KIF26B: variants seen among roughly 807,000 people sequenced by gnomAD.
KIF26B encodes kinesin family member 26B.
In KIF26B, 63 loss-of-function variants were observed where a neutral mutation model predicts 151.2. That is an observed-to-expected ratio of 0.42 (90% confidence interval 0.34 to 0.51). The LOEUF is 0.51. Ranked by LOEUF, KIF26B falls within the 20% of genes least tolerant of loss-of-function variation. KIF26B has a pLI of 0.07. For missense variants in KIF26B, 2,813 were observed against 2,913.6 expected (o/e 0.97, Z 0.79); for synonymous variants, 1,357 against 1,262.1 (o/e 1.08, Z -1.59).
At chr1:245,541,757 C>T (rs965275981) in intron 5 of KIF26B, among the ~76,000 whole-genome samples, 1 of 151,884 alleles carries the variant, frequency 6.6e-6, no homozygotes, top group Non-Finnish European at 1.5e-5. Flanking sequence ...ATTTGGCCGC[C>T]GTTGCTAGTC....
chr1:245,659,529 C>T (rs2044110826), intron 10 of KIF26B, among the ~76,000 whole-genome samples: 1 of 152,128 alleles, frequency 6.6e-6, no homozygotes, highest in South Asian at 2.1e-4. Flanking sequence ...TTTTCTGAGC[C>T]AGATAAAATA....
rs34346823 is a variant in KIF26B at position 245,180,292 on chromosome 1, C to CAGAGAG, written c.465+23628_465+23633dup. On this transcript the variant is annotated intron_variant, in intron 2 of 14. Transcript: ENST00000407071. ...ATTCAGCTTCAGATCCTGCAGGTAG[C>CAGAGAG]AGAGAGAGAGAGAGAGAGAGAGAGG... Among the ~76,000 whole-genome samples the CAGAGAG allele has an allele frequency of 3.5e-3, 520 of 148,616 alleles. 2 individuals are homozygous for CAGAGAG. Among genetic ancestry groups the CAGAGAG allele is most frequent in the African/African-American group, 7.3e-3 (295 of 40,584 alleles).
rs1443991816 is a variant in KIF26B at position 245,564,083 on chromosome 1, A to C, written c.1350+23133A>C. Among the ~76,000 whole-genome samples the C allele has an allele frequency of 6.6e-6, 1 of 151,890 alleles. No homozygotes were observed. Among genetic ancestry groups the C allele is most frequent in the Non-Finnish European group, 1.5e-5 (1 of 67,968 alleles). ...CTGAGCTCGACACAGTCCAATCCCA[A>C]GTACCAGTCAGGCTCCCACCGTCCC... On this transcript the variant is annotated intron_variant, in intron 5 of 14. Transcript: ENST00000407071. The surrounding 1 kb of genome is among the most constrained non-coding windows in gnomAD (Gnocchi z 4.6).
At chr1:245,576,484 G>A (rs2043119885) in intron 5 of KIF26B, among the ~76,000 whole-genome samples, 1 of 152,174 alleles carries the variant, frequency 6.6e-6, no homozygotes, top group African/African-American at 2.4e-5. Flanking sequence ...CTCTGTCAGC[G>A]TGACAGCCCA....
intron 10 of KIF26B, among the ~76,000 whole-genome samples, chr1:245,648,854 T>TA (rs2043981834): frequency 6.6e-6 from 1 of 152,180 alleles, no homozygotes; most frequent in East Asian, 1.9e-4. Flanking sequence ...GTGTCTCAAG[T>TA]AAGCAGACTA....
At chr1:245,390,943 A>AAACAAAAAAAAAC (rs1553270128) in intron 3 of KIF26B, among the ~76,000 whole-genome samples, 1 of 118,412 alleles carries the variant, frequency 8.4e-6, no homozygotes, top group African/African-American at 4.1e-5. Flanking sequence ...AAAAAAAAAA[A>AAACAAAAAAAAAC]AAAAAAAAAC....
Position 245,687,689 on chromosome 1 carries a change from G to A in KIF26B, c.4706G>A (p.Gly1569Asp). The change falls in exon 12 of 15, where the codon GGC (glycine) becomes GAC (aspartate). Residue 1569 changes from glycine to aspartate, a missense_variant. Around this residue, in one of 3 missense-constraint regions of KIF26B, gnomAD observed 2,060 missense variants for 2,088.6 expected, o/e 0.99. Transcript: ENST00000407071. The surrounding 1 kb of genome is among the most constrained non-coding windows in gnomAD (Gnocchi z 4.9). ...ACCAACGGGGTGGGTGCAGCCTCGG[G>A]CACCCCGCCCTCCAAGGCTACCCTG... Reference protein sequence around the residue: ...AETNGVGAASGTPPSKATLEG... With the variant: ...AETNGVGAASDTPPSKATLEG... The A allele has an allele frequency of 1.9e-6, 3 of 1,581,264 alleles. No homozygotes were observed. Among genetic ancestry groups the A allele is most frequent in the Non-Finnish European group, 2.6e-6 (3 of 1,163,988 alleles).
At chr1:245,472,832 A>G (rs990273787) in intron 4 of KIF26B, among the ~76,000 whole-genome samples, 7 of 152,166 alleles carry the variant, frequency 4.6e-5, no homozygotes, top group South Asian at 2.1e-4. Flanking sequence ...TGGACCTACA[A>G]TGTGCTACTG....
In KIF26B at chr1:245,602,805, G is replaced by C; in HGVS notation, c.1557+22G>C. ...TCAGGTGGGTATCAGCCCCCTCTCA[G>C]GCTCAGGCAACGTTGATGAAAGGGC... On this transcript the variant is annotated intron_variant, in intron 6 of 14. Coordinates refer to ENST00000407071, the MANE Select transcript of KIF26B (RefSeq NM_018012.4). This position sits in a 1 kb window ranked among gnomAD's most constrained non-coding sequence, Gnocchi z 4.5. The C allele has an allele frequency of 6.2e-7, 1 of 1,610,382 alleles. No homozygotes were observed.
chr1:245,296,123 C>T (rs151052441), intron 2 of KIF26B, among the ~76,000 whole-genome samples: 2 of 151,516 alleles, frequency 1.3e-5, no homozygotes, highest in Non-Finnish European at 2.9e-5. Context: ...CTACTAGGAC[C>T]TATGACTTTG....
At chr1:245,470,387 T>A (rs1013745504) in intron 4 of KIF26B, among the ~76,000 whole-genome samples, 4 of 152,016 alleles carry the variant, frequency 2.6e-5, no homozygotes, top group Non-Finnish European at 4.4e-5. Context: ...GGCAAAACAG[T>A]CACTGCTTGG....
At chr1:245,613,220 G>A (rs1290876633) in intron 9 of KIF26B, among the ~76,000 whole-genome samples, 2 of 152,200 alleles carry the variant, frequency 1.3e-5, no homozygotes, top group African/African-American at 4.8e-5. Flanking sequence ...ACTGAGTTAA[G>A]AGTCTAACCC....
At chr1:245,162,470 C>T (rs1033431905) in intron 2 of KIF26B, among the ~76,000 whole-genome samples, 4 of 149,284 alleles carry the variant, frequency 2.7e-5, no homozygotes, top group Admixed American at 6.8e-5. Context: ...ACTGCAACCT[C>T]TGCCTCCTGG....
intron 4 of KIF26B, among the ~76,000 whole-genome samples, chr1:245,427,893 C>T (rs1469066922): frequency 6.6e-6 from 1 of 152,090 alleles, no homozygotes; most frequent in Non-Finnish European, 1.5e-5. Context: ...CACTTGTGGT[C>T]GGGGCCAACA....
At position 245,441,198 on chromosome 1, in the gene KIF26B, G is replaced by T. The variant is rs142716953; in HGVS notation, c.1166+21453G>T. 1.7e-4 allele frequency among the ~76,000 whole-genome samples: 26 copies of T among 152,264 alleles called. 1 individual carries two copies. The East Asian group carries it at 5.0e-3, about 29-fold the overall frequency. On this transcript the variant is annotated intron_variant, in intron 4 of 14. Transcript: ENST00000407071. ...CCACCGTAATTAAGAGGGGTGTGGAGCATGTAGGTGTTATACACCCCTGCC... is the reference window on the plus strand; with the variant it reads ...CCACCGTAATTAAGAGGGGTGTGGATCATGTAGGTGTTATACACCCCTGCC...
chr1:245,507,077 C>T (rs1660741133), intron 4 of KIF26B, among the ~76,000 whole-genome samples: 1 of 152,178 alleles, frequency 6.6e-6, no homozygotes. Flanking sequence ...CTCTAATTTC[C>T]TCTAGATGAG....
chr1:245,394,103 A>C (rs1171932537), intron 3 of KIF26B, among the ~76,000 whole-genome samples: 1 of 152,144 alleles, frequency 6.6e-6, no homozygotes, highest in Non-Finnish European at 1.5e-5. Flanking sequence ...GCCTATCACT[A>C]GCTTGAGACT....
In KIF26B at chr1:245,412,602, C is replaced by G. The variant is rs188544646; in HGVS notation, c.1000-6977C>G. ...TTGCAATTTGCATTGTGGAAGCAAC[C>G]TTAGGAAGAGCCACACGTCTTTTAT... On this transcript the variant is annotated intron_variant, in intron 3 of 14. Transcript: ENST00000407071. Among the ~76,000 whole-genome samples the G allele has an allele frequency of 2.4e-4, 36 of 152,268 alleles. No homozygotes were observed. In the East Asian group the frequency reaches 6.8e-3, roughly 29 times the overall value.
At chr1:245,501,109 G>A (rs546649706) in intron 4 of KIF26B, among the ~76,000 whole-genome samples, 3 of 152,262 alleles carry the variant, frequency 2.0e-5, no homozygotes, top group Middle Eastern at 3.4e-3. Flanking sequence ...TCCCCATTTC[G>A]TGGACAGAAC....
Sources: allele counts gnomAD v4.1 joint callset (sites outside exome capture counted in the v4.1 genomes callset), GRCh38; gene constraint gnomAD v4.1.1; regional missense constraint gnomAD v4.1.1; non-coding constraint Gnocchi (gnomAD v3.1); transcripts MANE v1.5; gene names NCBI Gene and HGNC (gene_info 2026-07-23, HGNC 2026-07-21).